ZNF618: variants seen among roughly 807,000 people sequenced by gnomAD.
ZNF618 encodes neural precursor cell expressed, developmentally down-regulated 10.
Under a neutral mutation model 103.0 loss-of-function variants are expected in ZNF618, and 34 were observed. The observed-to-expected ratio is 0.33, with a 90% CI of 0.25 to 0.44. The LOEUF (loss-of-function observed/expected upper bound fraction) is 0.44, where lower values mean the gene tolerates loss of function less well. Among genes scored for constraint, ZNF618 ranks in the 20% least tolerant of loss-of-function variants. The pLI is 1.00. For missense variants in ZNF618, 1,059 were observed against 1,295.4 expected (o/e 0.82, Z 2.80); for synonymous variants, 551 against 542.2 (o/e 1.02, Z -0.23).
At chr9:113,939,852 T>C (rs550404164) in intron 1 of ZNF618, among the ~76,000 whole-genome samples, 1 of 152,252 alleles carries the variant, frequency 6.6e-6, no homozygotes, top group Non-Finnish European at 1.5e-5. Flanking sequence ...TTTTTTAGTT[T>C]CTTAGGCAGA....
At chr9:113,969,896 C>T (rs748400834) in intron 2 of ZNF618, among the ~76,000 whole-genome samples, 8 of 152,084 alleles carry the variant, frequency 5.3e-5, no homozygotes, top group Non-Finnish European at 1.0e-4. Flanking sequence ...AGAGATGGCT[C>T]CCCTGAACAC....
At chr9:113,900,361 C>T (rs1427130849) in intron 1 of ZNF618, among the ~76,000 whole-genome samples, 3 of 152,096 alleles carry the variant, frequency 2.0e-5, no homozygotes, top group African/African-American at 4.8e-5. Flanking sequence ...CATGCCTGGC[C>T]GACAAACTGC....
chr9:114,007,814 A>G (rs866166799), intron 7 of ZNF618, among the ~76,000 whole-genome samples: 1 of 152,256 alleles, frequency 6.6e-6, no homozygotes, highest in Non-Finnish European at 1.5e-5. Flanking sequence ...TACAATTAGA[A>G]ATTAGAATAA....
At chr9:113,899,636 T>G (rs753101760) in intron 1 of ZNF618, among the ~76,000 whole-genome samples, 17 of 152,202 alleles carry the variant, frequency 1.1e-4, no homozygotes, top group Non-Finnish European at 2.1e-4. Context: ...ATGGAAAAAC[T>G]GTCTTCTAAG....
intron 14 of ZNF618, 27 bp downstream of exon 14, chr9:114,048,021 C>T: frequency 6.5e-7 from 1 of 1,545,436 alleles, no homozygotes; most frequent in Non-Finnish European, 8.8e-7. Flanking sequence ...AGGGCTGGAC[C>T]TGAGGGTCCC....
intron 2 of ZNF618, among the ~76,000 whole-genome samples, chr9:113,978,183 G>T (rs1389486612): frequency 6.6e-6 from 1 of 152,234 alleles, no homozygotes; most frequent in Non-Finnish European, 1.5e-5. Context: ...TAAGGAACAG[G>T]TGATGATGTG....
intron 13 of ZNF618, among the ~76,000 whole-genome samples, chr9:114,044,965 C>G (rs1387188856): frequency 6.6e-6 from 1 of 151,892 alleles, no homozygotes; most frequent in Non-Finnish European, 1.5e-5. Context: ...TTAATCAGTT[C>G]TAGGAGCTTT....
rs993504143 is a variant in ZNF618, at chr9:113,928,357, C to T, written c.34-40760C>T. Among the ~76,000 whole-genome samples the T allele has an allele frequency of 9.2e-5, 14 of 152,278 alleles. No individual in the cohort carries two copies. The South Asian group carries it at 1.0e-3, about 11-fold the overall frequency. On this transcript the variant is annotated intron_variant, in intron 1 of 14. Coordinates refer to ENST00000374126, the MANE Select transcript of ZNF618 (RefSeq NM_001318042.2). ...CCATTAGAACCCTAAACATATTAATCGTAGTTATTTACAATTGCTTATCTG... is the reference window on the plus strand; with the variant it reads ...CCATTAGAACCCTAAACATATTAATTGTAGTTATTTACAATTGCTTATCTG...
At chr9:114,000,867 A>T (rs1161038787) in intron 4 of ZNF618, among the ~76,000 whole-genome samples, 2 of 152,040 alleles carry the variant, frequency 1.3e-5, no homozygotes, top group African/African-American at 4.8e-5. Flanking sequence ...CAGAGTTAAG[A>T]CTCTTATCCC....
At chr9:113,956,508 C>T (rs1240370027) in intron 1 of ZNF618, among the ~76,000 whole-genome samples, 1 of 152,152 alleles carries the variant, frequency 6.6e-6, no homozygotes, top group Non-Finnish European at 1.5e-5. Context: ...TGTTTTAAAC[C>T]AGTTGACTGA....
Position 114,050,266 on chromosome 9 carries a change from CTG to C in ZNF618, c.*102_*103del, listed in dbSNP as rs1007335376. The C allele has an allele frequency of 8.6e-6, 12 of 1,391,882 alleles. No homozygotes were observed. Among genetic ancestry groups the C allele is most frequent in the African/African-American group, 8.6e-5 (6 of 69,604 alleles). The allele number at this position is 1,391,882 out of a possible 1,614,324, so 86.2% of individuals were successfully genotyped here. A position where few individuals can be genotyped will look rare whatever the true frequency, so the allele number is the denominator to read the frequency against. On this transcript the variant is annotated 3_prime_UTR_variant, in exon 15 of 15. Coordinates refer to ENST00000374126, the MANE Select transcript of ZNF618 (RefSeq NM_001318042.2). Reference sequence around the variant, plus strand: ...AGAAAAGGAATTTAAGTTCTAAACACTGTGGACCTCATTATAAATGCCCCCTG... The same window carrying C: ...AGAAAAGGAATTTAAGTTCTAAACACTGGACCTCATTATAAATGCCCCCTG...
chr9:114,020,395 C>G (rs1211767397), intron 10 of ZNF618, among the ~76,000 whole-genome samples: 2 of 152,108 alleles, frequency 1.3e-5, no homozygotes, highest in Admixed American at 6.5e-5. Context: ...ATCTGTAGAT[C>G]AATTTGGGGA....
At position 114,028,767 on chromosome 9, in the gene ZNF618, A is replaced by C. The variant is rs1843735853; in HGVS notation, c.879A>C (p.Pro293=). The change falls in exon 11 of 15, where the codon CCA becomes CCC. Residue 293 remains proline, a synonymous_variant. Transcript: ENST00000374126. Reference sequence around the variant, plus strand: ...CCGGGTGGGAGCCACCGGATGATCCAGACACGGGCTCTGAGTGTTCACATC... The same window carrying C: ...CCGGGTGGGAGCCACCGGATGATCCCGACACGGGCTCTGAGTGTTCACATC... The part of the protein sequence containing the change: ...TAPGWEPPDD[P]DTGSECSHPE... 6.4e-7 allele frequency: 1 copy of C among 1,550,408 alleles called. No individual in the cohort carries two copies. The highest frequency in any genetic ancestry group is 1.4e-5 in the African/African-American group (1 of 73,034).
intron 1 of ZNF618, among the ~76,000 whole-genome samples, chr9:113,897,320 G>A (rs1341912082): frequency 6.6e-6 from 1 of 152,136 alleles, no homozygotes; most frequent in Non-Finnish European, 1.5e-5. Flanking sequence ...GAGATGTTCT[G>A]TAGTCTTATG....
intron 10 of ZNF618, among the ~76,000 whole-genome samples, chr9:114,018,649 G>A (rs1842831078): frequency 1.3e-5 from 2 of 152,244 alleles, no homozygotes; most frequent in Admixed American, 1.3e-4. Flanking sequence ...AGAAAGGGGT[G>A]TGTCTCTTCC....
intron 1 of ZNF618, 135 bp downstream of exon 1, chr9:113,876,548 A>C: frequency 1.4e-6 from 1 of 727,322 alleles, no homozygotes; most frequent in Non-Finnish European, 1.8e-6. Context: ...TTGTGGGCGC[A>C]ATCGGGAGGG....
At chr9:113,883,609 T>C (rs1266800394) in intron 1 of ZNF618, among the ~76,000 whole-genome samples, 1 of 152,196 alleles carries the variant, frequency 6.6e-6, no homozygotes, top group African/African-American at 2.4e-5. Flanking sequence ...GGAAAATTTA[T>C]GGGAGAAAAC....
chr9:113,944,050 T>C (rs942155151), intron 1 of ZNF618, among the ~76,000 whole-genome samples: 14 of 152,230 alleles, frequency 9.2e-5, no homozygotes, highest in Non-Finnish European at 5.9e-5. Context: ...CTCTTACAAC[T>C]ATTAGGCTCC....
chr9:114,025,033 G>GT (rs1363268385), intron 10 of ZNF618, among the ~76,000 whole-genome samples: 2 of 152,146 alleles, frequency 1.3e-5, no homozygotes, highest in Non-Finnish European at 2.9e-5. Context: ...CTCACATCAT[G>GT]TTTTCTCTCC....
Sources: gnomAD v4.1 joint callset for allele counts (sites outside exome capture counted in the v4.1 genomes callset) on GRCh38, gnomAD v4.1.1 for gene constraint, MANE v1.5 for transcripts, NCBI Gene and HGNC (gene_info 2026-07-23, HGNC 2026-07-21) for gene names.